Variants in CCDC90B observed in about 807,000 individuals in gnomAD.
The protein encoded by CCDC90B is coiled-coil domain-containing protein 90B, mitochondrial.
In CCDC90B, 24 loss-of-function variants were observed where a neutral mutation model predicts 37.0. That is an observed-to-expected ratio of 0.65 (90% confidence interval 0.47 to 0.91). CCDC90B has a LOEUF of 0.91. Ranked by LOEUF, CCDC90B falls within the 40% of genes least tolerant of loss-of-function variation. The pLI is 0.00. For synonymous variants in CCDC90B, 113 were observed against 101.1 expected (o/e 1.12, Z -0.71); for missense variants, 319 against 299.0 (o/e 1.07, Z -0.49).
rs981398446 is a variant in CCDC90B, at chr11:83,259,300, T to G, written c.*2611A>C. 8 of 152,280 alleles carry G rather than the reference T, an allele frequency of 5.3e-5. No homozygotes were observed. Among genetic ancestry groups the G allele is most frequent in the Non-Finnish European group, 1.0e-4 (7 of 68,016 alleles). 9.4% of individuals were successfully genotyped at this position (152,280 alleles called of 1,614,324 possible). ...TCCTTATTTCATATATTTCCATCAC[T>G]GAAACAAAAATTTACCTGAACCCCA... On this transcript the variant is annotated 3_prime_UTR_variant, in exon 9 of 9. Transcript: ENST00000529689.
intron 3 of CCDC90B, among the ~76,000 whole-genome samples, chr11:83,277,819 T>C (rs1283658710): frequency 6.6e-6 from 1 of 152,152 alleles, no homozygotes; most frequent in Non-Finnish European, 1.5e-5. Context: ...GTAAGATCTT[T>C]TGATCTACCA....
chr11:83,286,094 G>C lies in CCDC90B; in HGVS notation c.-122C>G, dbSNP rs761021897. 33 of 1,537,164 alleles carry C rather than the reference G, an allele frequency of 2.1e-5. No homozygotes were observed. In the Middle Eastern group the frequency reaches 5.0e-4, roughly 23 times the overall value. Reference sequence around the variant, plus strand: ...AATTGTAGTTTTCGCTCTGTCACAAGCTCACCTCCCAGCGCAGGCGCCACC... The same window carrying C: ...AATTGTAGTTTTCGCTCTGTCACAACCTCACCTCCCAGCGCAGGCGCCACC... On this transcript the variant is annotated 5_prime_UTR_variant, in exon 1 of 9. Coordinates refer to ENST00000529689, the MANE Select transcript of CCDC90B (RefSeq NM_021825.5).
At chr11:83,274,952 T>G (rs866121493) in intron 3 of CCDC90B, among the ~76,000 whole-genome samples, 14 of 152,258 alleles carry the variant, frequency 9.2e-5, no homozygotes, top group Middle Eastern at 6.8e-3. Flanking sequence ...TGAAGAGAGA[T>G]AAATTTGTAG....
intron 7 of CCDC90B, chr11:83,267,534 A>G (rs1004022863): frequency 2.6e-5 from 4 of 152,166 alleles, no homozygotes; most frequent in Non-Finnish European, 4.4e-5. Context: ...GATCAAATTA[A>G]TGAAATAAAG....
At chr11:83,269,341 C>T (rs188413246) in intron 7 of CCDC90B, among the ~76,000 whole-genome samples, 1 of 151,546 alleles carries the variant, frequency 6.6e-6, no homozygotes, top group East Asian at 1.9e-4. Context: ...CACAACAAAC[C>T]CTTAAAAAAA....
intron 8 of CCDC90B, among the ~76,000 whole-genome samples, chr11:83,263,256 T>G (rs529410366): frequency 6.6e-6 from 1 of 152,232 alleles, no homozygotes; most frequent in East Asian, 1.9e-4. Context: ...GATAACCAAA[T>G]GAACACTTAT....
chr11:83,285,214 G>C (rs1022133140), intron 1 of CCDC90B: 9 of 1,285,710 alleles, frequency 7.0e-6, no homozygotes, highest in Middle Eastern at 2.1e-4. Flanking sequence ...TTTAAAAACT[G>C]GGAGGGAAGT....
intron 7 of CCDC90B, chr11:83,267,588 A>G (rs958697959): frequency 6.6e-6 from 1 of 152,240 alleles, no homozygotes; most frequent in African/African-American, 2.4e-5. Flanking sequence ...AGAAACGAAC[A>G]AAGCCTCCAA....
intron 3 of CCDC90B, among the ~76,000 whole-genome samples, chr11:83,278,410 T>C (rs1373898683): frequency 2.0e-5 from 3 of 152,234 alleles, no homozygotes; most frequent in Non-Finnish European, 4.4e-5. Context: ...GATTAGCTCT[T>C]CTGTGGTGAG....
intron 1 of CCDC90B, among the ~76,000 whole-genome samples, chr11:83,282,774 A>C (rs1177113351): frequency 6.6e-6 from 1 of 152,146 alleles, no homozygotes; most frequent in African/African-American, 2.4e-5. Flanking sequence ...TGTCTCTCTC[A>C]TGATGGTTTT....
chr11:83,273,929 G>C (rs201678091), intron 5 of CCDC90B, 22 bp downstream of exon 5: 1 of 1,582,806 alleles, frequency 6.3e-7, no homozygotes, highest in East Asian at 2.2e-5. Context: ...GAAATTAACA[G>C]CTAGAAAAAA....
chr11:83,284,155 T>C (rs1438583879), intron 1 of CCDC90B, among the ~76,000 whole-genome samples: 1 of 152,186 alleles, frequency 6.6e-6, no homozygotes, highest in Non-Finnish European at 1.5e-5. Context: ...GTTTCTTTGA[T>C]ACCTATCTTG....
In CCDC90B at chr11:83,281,429, T is replaced by A. The variant is rs182336879; in HGVS notation, c.101-1169A>T. On this transcript the variant is annotated intron_variant, in intron 1 of 8. Coordinates refer to ENST00000529689, the MANE Select transcript of CCDC90B (RefSeq NM_021825.5). ...GGCAGGAAACAGATATTGTTTTTTT[T>A]AAAAAATCTAACAATAAACTCTAAA... Among the ~76,000 whole-genome samples the A allele has an allele frequency of 2.8e-4, 42 of 152,270 alleles. No homozygotes were observed. In the East Asian group the frequency reaches 3.1e-3, roughly 11 times the overall value.
At chr11:83,285,123 G>C in intron 1 of CCDC90B, 2 of 1,247,626 alleles carry the variant, frequency 1.6e-6, no homozygotes, top group African/African-American at 1.6e-5. Flanking sequence ...ATGGCTCAGC[G>C]TACCTGGCAC....
At chr11:83,267,363 C>A (rs962007105) in intron 7 of CCDC90B, 8 of 152,060 alleles carry the variant, frequency 5.3e-5, no homozygotes, top group African/African-American at 1.9e-4. Context: ...AGCTAAAAAC[C>A]TTGAAAAAAG....
intron 1 of CCDC90B, among the ~76,000 whole-genome samples, chr11:83,283,339 AG>A (rs1865501802): frequency 6.6e-6 from 1 of 152,260 alleles, no homozygotes; most frequent in Admixed American, 6.5e-5. Context: ...TTATCCAGAC[AG>A]GATGAATGAA....
chr11:83,265,424 T>C (rs956211400), intron 8 of CCDC90B, among the ~76,000 whole-genome samples: 3 of 152,174 alleles, frequency 2.0e-5, no homozygotes, highest in African/African-American at 4.8e-5. Flanking sequence ...CATTTTTTTT[T>C]CCACTGTGGA....
chr11:83,276,657 G>T (rs1396840836), intron 3 of CCDC90B, among the ~76,000 whole-genome samples: 3 of 152,104 alleles, frequency 2.0e-5, no homozygotes, highest in African/African-American at 7.2e-5. Flanking sequence ...CCTTAATGTG[G>T]CTCTTAAGAG....
chr11:83,280,938 C>A (rs1245718526), intron 1 of CCDC90B, among the ~76,000 whole-genome samples: 1 of 152,172 alleles, frequency 6.6e-6, no homozygotes, highest in African/African-American at 2.4e-5. Flanking sequence ...AACATAAGAA[C>A]CCTAAGAAAA....
Sources: gnomAD v4.1 joint callset for allele counts (sites outside exome capture counted in the v4.1 genomes callset) on GRCh38, gnomAD v4.1.1 for gene constraint, MANE v1.5 for transcripts, NCBI Gene and HGNC (gene_info 2026-07-23, HGNC 2026-07-21) for gene names.